The following DPP6 variants were observed in gnomAD, a reference collection of about 807,000 sequenced individuals.
DPP6 encodes the protein A-type potassium channel modulatory protein DPP6.
In DPP6, 69 loss-of-function variants were observed where a neutral mutation model predicts 122.6. That is an observed-to-expected ratio of 0.56 (90% CI 0.46 to 0.69). DPP6 has a LOEUF of 0.69. Ranked by LOEUF, DPP6 falls within the 30% of genes least tolerant of loss-of-function variation. The pLI is 0.00. For missense variants in DPP6, 928 were observed against 1,116.9 expected (o/e 0.83, Z 2.41); for synonymous variants, 418 against 433.1 (o/e 0.97, Z 0.43).
rs1815795138 is a variant in DPP6 at position 154,403,272 on chromosome 7, G to A, written c.244-42942G>A. 6.6e-6 allele frequency among the ~76,000 whole-genome samples: 1 copy of A among 152,218 alleles called. No individual in the cohort carries two copies. The highest frequency in any genetic ancestry group is 2.4e-5 in the African/African-American group (1 of 41,456). Reference sequence around the variant, plus strand: ...CCTCAGAATGTCTGCCTCTGACTATGCAGGAGGTTGCTGTGTGATAGAGTG... The same window carrying A: ...CCTCAGAATGTCTGCCTCTGACTATACAGGAGGTTGCTGTGTGATAGAGTG... On this transcript the variant is annotated intron_variant, in intron 1 of 25. Transcript: ENST00000377770. The surrounding 1 kb of genome is among the most constrained non-coding windows in gnomAD (Gnocchi z 4.1).
At chr7:154,575,070 T>TGTGTGATG in intron 5 of DPP6, among the ~76,000 whole-genome samples, 1 of 100,786 alleles carries the variant, frequency 9.9e-6, no homozygotes, top group Non-Finnish European at 1.9e-5. Flanking sequence ...GTTTGGTGTG[T>TGTGTGATG]TGTGTGTATG....
At chr7:153,908,569 C>G (rs963769044) in intron 1 of DPP6, among the ~76,000 whole-genome samples, 1 of 152,072 alleles carries the variant, frequency 6.6e-6, no homozygotes, top group Non-Finnish European at 1.5e-5. Flanking sequence ...TTTTATGTAG[C>G]TCTTTTACTG....
intron 1 of DPP6, among the ~76,000 whole-genome samples, chr7:154,406,234 C>A (rs1422826108): frequency 6.6e-6 from 1 of 152,118 alleles, no homozygotes; most frequent in African/African-American, 2.4e-5. Flanking sequence ...AAAGGTAAGT[C>A]TACAGTGTGC....
chr7:154,723,192 G>T (rs771438164), intron 7 of DPP6, among the ~76,000 whole-genome samples: 1 of 152,070 alleles, frequency 6.6e-6, no homozygotes, highest in Admixed American at 6.6e-5. Context: ...CAGGAAACAG[G>T]TTTACAGTGA....
intron 1 of DPP6, among the ~76,000 whole-genome samples, chr7:153,965,404 A>G (rs977920515): frequency 1.3e-4 from 20 of 152,180 alleles, no homozygotes; most frequent in African/African-American, 4.8e-4. Flanking sequence ...GCCACTGAGC[A>G]TGAAGCCAAG....
chr7:154,828,734 A>T (rs1325003092), intron 16 of DPP6, among the ~76,000 whole-genome samples: 1 of 152,162 alleles, frequency 6.6e-6, no homozygotes, highest in Admixed American at 6.5e-5. Flanking sequence ...CTGGGCTCTG[A>T]CCCATGCAGA....
intron 7 of DPP6, among the ~76,000 whole-genome samples, chr7:154,697,521 T>G (rs4584106): frequency 0.75 from 114,407 of 152,170 alleles, 45,218 homozygotes; most frequent in Non-Finnish European, 0.88. Flanking sequence ...GGCCCTGCCA[T>G]CCCACAGACA....
chr7:154,464,939 C>T (rs1166265950), intron 2 of DPP6, among the ~76,000 whole-genome samples: 1 of 152,154 alleles, frequency 6.6e-6, no homozygotes, highest in Non-Finnish European at 1.5e-5. Flanking sequence ...TTTTATTGCA[C>T]ATGTATACCT....
chr7:154,492,419 A>G (rs1824357022), intron 3 of DPP6, among the ~76,000 whole-genome samples: 1 of 152,178 alleles, frequency 6.6e-6, no homozygotes, highest in Non-Finnish European at 1.5e-5. Flanking sequence ...TGTTGATTTA[A>G]TAGGAATTTC....
At chr7:154,469,429 A>C (rs1287338565) in intron 2 of DPP6, among the ~76,000 whole-genome samples, 1 of 152,152 alleles carries the variant, frequency 6.6e-6, no homozygotes, top group African/African-American at 2.4e-5. Flanking sequence ...CCCCTGACTC[A>C]CAGCTGCTGC....
intron 6 of DPP6, among the ~76,000 whole-genome samples, chr7:154,645,639 A>G (rs900775788): frequency 1.1e-4 from 16 of 152,138 alleles, no homozygotes; most frequent in Admixed American, 1.0e-3. Flanking sequence ...CTCCATCCAT[A>G]TATTAGTTGC....
At chr7:153,953,632 G>T (rs915449262) in intron 1 of DPP6, among the ~76,000 whole-genome samples, 2 of 152,096 alleles carry the variant, frequency 1.3e-5, no homozygotes, top group Admixed American at 6.6e-5. Context: ...GATAAAGCTG[G>T]GAAGGAAATG....
chr7:153,809,377 G>T, the DPP6 span, among the ~76,000 whole-genome samples: 1 of 152,078 alleles, frequency 6.6e-6, no homozygotes, highest in African/African-American at 2.4e-5. Context: ...TCTACATCAT[G>T]TCTGCTCATC....
At chr7:154,133,015 T>C (rs1003846342) in intron 1 of DPP6, among the ~76,000 whole-genome samples, 4 of 152,018 alleles carry the variant, frequency 2.6e-5, no homozygotes, top group African/African-American at 9.7e-5. Context: ...ACTATATTGT[T>C]TATATCGTTG....
intron 1 of DPP6, among the ~76,000 whole-genome samples, chr7:154,283,181 G>A (rs953289952): frequency 2.6e-5 from 4 of 152,122 alleles, no homozygotes; most frequent in African/African-American, 9.7e-5. Context: ...GATCCCCGTT[G>A]TCTTGTCCTA....
chr7:154,544,932 G>T (rs1032366309), intron 4 of DPP6, among the ~76,000 whole-genome samples: 1 of 152,136 alleles, frequency 6.6e-6, no homozygotes, highest in Non-Finnish European at 1.5e-5. Context: ...CGGCTGCGTG[G>T]GTCCAGGCAG....
At chr7:154,325,516 CTT>C (rs1274523409) in intron 1 of DPP6, among the ~76,000 whole-genome samples, 2 of 152,192 alleles carry the variant, frequency 1.3e-5, no homozygotes, top group African/African-American at 4.8e-5. Context: ...CAATGGATCT[CTT>C]TACACGTTAC....
intron 1 of DPP6, among the ~76,000 whole-genome samples, chr7:153,968,263 A>T (rs905175897): frequency 1.3e-5 from 2 of 150,550 alleles, no homozygotes; most frequent in Non-Finnish European, 2.9e-5. Context: ...TGTGCATGAG[A>T]CGGTATGTCA....
At chr7:153,823,535 G>A in the DPP6 span, among the ~76,000 whole-genome samples, 11 of 150,208 alleles carry the variant, frequency 7.3e-5, no homozygotes, top group African/African-American at 2.7e-4. Flanking sequence ...ATGGCTGAAA[G>A]ACAACACAAT....
Sources: gnomAD v4.1 joint callset for allele counts (sites outside exome capture counted in the v4.1 genomes callset) on GRCh38, gnomAD v4.1.1 for gene constraint, Gnocchi (gnomAD v3.1) non-coding constraint, MANE v1.5 for transcripts, NCBI Gene and HGNC (gene_info 2026-07-23, HGNC 2026-07-21) for gene names.